Variants in ESR1 observed in about 807,000 individuals in gnomAD.
ESR1 encodes estrogen receptor.
In ESR1, 12 loss-of-function variants were observed where a neutral mutation model predicts 52.7. The observed-to-expected ratio is 0.23, with a 90% CI of 0.15 to 0.37. The LOEUF (loss-of-function observed/expected upper bound fraction) is 0.37, where lower values mean the gene tolerates loss of function less well. Among genes scored for constraint, ESR1 ranks in the 10% least tolerant of loss-of-function variants. ESR1 has a pLI of 1.00. For synonymous variants in ESR1, 305 were observed against 316.8 expected (o/e 0.96, Z 0.39); for missense variants, 584 against 779.7 (o/e 0.75, Z 2.99).
chr6:151,906,466 A>G (rs1319836655), intron 3 of ESR1, among the ~76,000 whole-genome samples: 1 of 151,886 alleles, frequency 6.6e-6, no homozygotes, highest in South Asian at 2.1e-4. Context: ...CATTTTTAAT[A>G]TTTAATGAAA....
chr6:152,011,837 G>T, intron 5 of ESR1, 43 bp downstream of exon 5: 2 of 1,603,276 alleles, frequency 1.2e-6, no homozygotes, highest in South Asian at 1.1e-5. Context: ...TGTTCTTTAC[G>T]ATCATAGTTC....
intron 6 of ESR1, among the ~76,000 whole-genome samples, chr6:152,123,651 G>A (rs1358399171): frequency 2.6e-5 from 4 of 152,046 alleles, no homozygotes; most frequent in African/African-American, 4.8e-5. Context: ...TGTTGTTTAC[G>A]ACAGGCATTT....
chr6:151,816,052 G>C (rs1478138461), intron 1 of ESR1, among the ~76,000 whole-genome samples: 1 of 152,176 alleles, frequency 6.6e-6, no homozygotes, highest in Non-Finnish European at 1.5e-5. Flanking sequence ...TTACAATGCT[G>C]TTGGCCATGA....
At chr6:151,755,373 G>A (rs986361733) in intron 2 of ESR1, among the ~76,000 whole-genome samples, 1 of 152,180 alleles carries the variant, frequency 6.6e-6, no homozygotes, top group African/African-American at 2.4e-5. Context: ...CAAACACCAT[G>A]GGGTCATTCT....
chr6:151,772,522 A>G (rs1459781401), intron 2 of ESR1, among the ~76,000 whole-genome samples: 2 of 152,188 alleles, frequency 1.3e-5, no homozygotes, highest in Non-Finnish European at 2.9e-5. Flanking sequence ...TCTATGGCAG[A>G]TTCTTCAACT....
intron 1 of ESR1, among the ~76,000 whole-genome samples, chr6:151,677,277 G>T (rs1778284919): frequency 2.0e-5 from 3 of 152,208 alleles, no homozygotes. Context: ...GCCTGGGGCA[G>T]CTTGACCGCC....
intron 3 of ESR1, among the ~76,000 whole-genome samples, chr6:151,899,725 C>T (rs1370429851): frequency 6.0e-5 from 9 of 150,136 alleles, no homozygotes; most frequent in African/African-American, 1.2e-4. Context: ...TCAGACGGGG[C>T]GGCCCGGCAG....
intron 6 of ESR1, among the ~76,000 whole-genome samples, chr6:152,062,238 A>C (rs1444215300): frequency 1.3e-5 from 2 of 151,964 alleles, no homozygotes; most frequent in Non-Finnish European, 2.9e-5. Context: ...CACCACTGCT[A>C]GGAACCTGTG....
At chr6:151,818,806 TATAC>T in intron 1 of ESR1, among the ~76,000 whole-genome samples, 1 of 149,276 alleles carries the variant, frequency 6.7e-6, no homozygotes, top group African/African-American at 2.5e-5. Context: ...TATACACATA[TATAC>T]ACACACACAC....
intron 5 of ESR1, among the ~76,000 whole-genome samples, chr6:152,018,758 C>G (rs1380331627): frequency 1.3e-5 from 2 of 151,880 alleles, no homozygotes; most frequent in African/African-American, 4.8e-5. Context: ...GTTTGCGTGC[C>G]TCTTGTCTCC....
At chr6:151,815,033 A>G (rs545141345) in intron 1 of ESR1, among the ~76,000 whole-genome samples, 2 of 152,236 alleles carry the variant, frequency 1.3e-5, no homozygotes, top group African/African-American at 4.8e-5. Flanking sequence ...CATTCAGTGC[A>G]TTCATGATTA....
rs931332820 is a variant in ESR1 at position 151,845,024 on chromosome 6, G to A, written c.643+2237G>A. ...AATTAAAATTATTAAGATTGAAAGT[G>A]GAAATGATCTTCCTCCGAGAAACAA... On this transcript the variant is annotated intron_variant, in intron 2 of 7. Transcript: ENST00000206249. Among the ~76,000 whole-genome samples the A allele has an allele frequency of 7.9e-5, 12 of 151,734 alleles. 1 individual carries two copies. Among genetic ancestry groups the A allele is most frequent in the Admixed American group, 7.9e-4 (12 of 15,212 alleles).
At chr6:151,956,938 A>G (rs2037054885) in intron 4 of ESR1, among the ~76,000 whole-genome samples, 1 of 149,298 alleles carries the variant, frequency 6.7e-6, no homozygotes, top group South Asian at 2.1e-4. Flanking sequence ...GTGCAGTGGC[A>G]TGATCTCGGC....
chr6:151,759,185 G>A (rs967980271), intron 2 of ESR1, among the ~76,000 whole-genome samples: 1 of 142,918 alleles, frequency 7.0e-6, no homozygotes, highest in African/African-American at 2.6e-5. Flanking sequence ...TGAGGCAGGA[G>A]AATTGCTTGA....
intron 2 of ESR1, among the ~76,000 whole-genome samples, chr6:151,717,895 A>T (rs1347643483): frequency 1.3e-5 from 2 of 152,226 alleles, no homozygotes; most frequent in East Asian, 3.8e-4. Flanking sequence ...TACTAAATTT[A>T]TATGCTATAC....
chr6:152,019,390 A>G (rs999965699), intron 5 of ESR1, among the ~76,000 whole-genome samples: 3 of 152,214 alleles, frequency 2.0e-5, no homozygotes, highest in Admixed American at 1.3e-4. Context: ...AAAAAAAATC[A>G]AAGTAAAATT....
chr6:152,085,997 T>C (rs543944900), intron 6 of ESR1, among the ~76,000 whole-genome samples: 1 of 152,260 alleles, frequency 6.6e-6, no homozygotes, highest in South Asian at 2.1e-4. Context: ...CAAGAAAAGG[T>C]AGGATCCAGG....
chr6:151,662,111 C>T (rs181243091), intron 1 of ESR1, among the ~76,000 whole-genome samples: 2 of 152,220 alleles, frequency 1.3e-5, no homozygotes, highest in African/African-American at 4.8e-5. Flanking sequence ...TGCAGAAGGG[C>T]CACTGCCACT....
At chr6:152,074,418 A>G (rs1483119711) in intron 6 of ESR1, among the ~76,000 whole-genome samples, 1 of 151,764 alleles carries the variant, frequency 6.6e-6, no homozygotes, top group African/African-American at 2.4e-5. Context: ...TTATGGCTTG[A>G]TAGCTCATTT....
Sources: gnomAD v4.1 joint callset for allele counts (sites outside exome capture counted in the v4.1 genomes callset) on GRCh38, gnomAD v4.1.1 for gene constraint, MANE v1.5 for transcripts, NCBI Gene and HGNC (gene_info 2026-07-23, HGNC 2026-07-21) for gene names.